Variants in AGMO observed in about 807,000 individuals in gnomAD.
AGMO encodes alkylglycerol monooxygenase.
In AGMO, 75 loss-of-function variants were observed where a neutral mutation model predicts 60.2. That is an observed-to-expected ratio of 1.25 (90% CI 1.03 to 1.51). The LOEUF is 1.51. Among genes scored for constraint, AGMO ranks in the 40% most tolerant of loss-of-function variants. The pLI, the probability that AGMO is intolerant of heterozygous loss-of-function variation, is 0.00. For missense variants in AGMO, 763 were observed against 525.5 expected (o/e 1.45, Z -4.42); for synonymous variants, 261 against 177.1 (o/e 1.47, Z -3.76).
intron 9 of AGMO, among the ~76,000 whole-genome samples, chr7:15,387,112 T>C (rs1235999480): frequency 6.6e-6 from 1 of 152,270 alleles, no homozygotes; most frequent in East Asian, 1.9e-4. Context: ...ATTTGTGAAG[T>C]TATGCCCTAC....
intron 2 of AGMO, among the ~76,000 whole-genome samples, chr7:15,551,296 T>C (rs1489132733): frequency 2.0e-5 from 3 of 151,718 alleles, no homozygotes; most frequent in African/African-American, 7.3e-5. Context: ...CTATTCAACA[T>C]AGTGTTGGAA....
the AGMO span, among the ~76,000 whole-genome samples, chr7:15,130,404 A>G: frequency 2.0e-5 from 3 of 151,602 alleles, no homozygotes; most frequent in Non-Finnish European, 2.9e-5. Flanking sequence ...AGAACAAGAC[A>G]TTTTCTTGAA....
intron 12 of AGMO, among the ~76,000 whole-genome samples, chr7:15,342,885 C>CA (rs1314526921): frequency 6.7e-6 from 1 of 149,652 alleles, no homozygotes; most frequent in Non-Finnish European, 1.5e-5. Flanking sequence ...TCAATATCCT[C>CA]ATTTGAGAAG....
intron 3 of AGMO, among the ~76,000 whole-genome samples, chr7:15,503,197 G>A (rs965291444): frequency 1.3e-5 from 2 of 151,958 alleles, no homozygotes; most frequent in African/African-American, 4.8e-5. Context: ...AGGTTAGAAG[G>A]TACACCTGTT....
At chr7:15,177,622 CCT>C in the AGMO span, among the ~76,000 whole-genome samples, 1 of 152,094 alleles carries the variant, frequency 6.6e-6, no homozygotes, top group African/African-American at 2.4e-5. Context: ...CTTTATTCAA[CCT>C]CTGTTTTTTA....
At chr7:15,450,307 C>T (rs987104353) in intron 3 of AGMO, among the ~76,000 whole-genome samples, 9 of 151,362 alleles carry the variant, frequency 5.9e-5, no homozygotes, top group South Asian at 2.1e-4. Flanking sequence ...GTAGTCCCAG[C>T]GACTCGGGAG....
At chr7:15,312,678 A>G (rs183972241) in intron 12 of AGMO, among the ~76,000 whole-genome samples, 37 of 152,022 alleles carry the variant, frequency 2.4e-4, no homozygotes, top group Middle Eastern at 3.4e-3. Context: ...ACACTCACTA[A>G]AAGAATTTTG....
chr7:15,454,623 T>G (rs1188289856), intron 3 of AGMO, among the ~76,000 whole-genome samples: 1 of 152,126 alleles, frequency 6.6e-6, no homozygotes, highest in Non-Finnish European at 1.5e-5. Context: ...TTAAAGATTA[T>G]ATGGAATATA....
At chr7:15,311,033 C>G (rs1450262038) in intron 12 of AGMO, among the ~76,000 whole-genome samples, 1 of 152,138 alleles carries the variant, frequency 6.6e-6, no homozygotes, top group African/African-American at 2.4e-5. Flanking sequence ...GTAGGATGAT[C>G]TCCACATCTC....
intron 10 of AGMO, among the ~76,000 whole-genome samples, chr7:15,376,869 T>C (rs975957432): frequency 2.5e-4 from 38 of 152,214 alleles, no homozygotes; most frequent in African/African-American, 8.9e-4. Flanking sequence ...TATATTTAAA[T>C]ATATGCTTTG....
At chr7:15,415,586 T>G (rs1271537866) in intron 5 of AGMO, among the ~76,000 whole-genome samples, 1 of 151,936 alleles carries the variant, frequency 6.6e-6, no homozygotes, top group Non-Finnish European at 1.5e-5. Flanking sequence ...ATCTTCAATA[T>G]CAAAGAATTA....
At chr7:15,307,262 A>G (rs1780641715) in intron 12 of AGMO, among the ~76,000 whole-genome samples, 1 of 152,034 alleles carries the variant, frequency 6.6e-6, no homozygotes, top group Non-Finnish European at 1.5e-5. Context: ...CTTGTTTGAC[A>G]TGACTTGTCT....
intron 3 of AGMO, among the ~76,000 whole-genome samples, chr7:15,492,633 T>C (rs1783098007): frequency 6.6e-6 from 1 of 151,740 alleles, no homozygotes; most frequent in African/African-American, 2.4e-5. Context: ...TTAATTAATT[T>C]TTTACTAGGT....
intron 10 of AGMO, among the ~76,000 whole-genome samples, chr7:15,369,240 A>T (rs1219461749): frequency 2.0e-5 from 3 of 152,078 alleles, no homozygotes; most frequent in African/African-American, 7.2e-5. Context: ...TACTTCTAAA[A>T]TTGCCTGTCC....
the AGMO span, among the ~76,000 whole-genome samples, chr7:15,178,083 T>C: frequency 2.6e-5 from 4 of 152,176 alleles, no homozygotes; most frequent in African/African-American, 4.8e-5. Flanking sequence ...TCAATCCTTA[T>C]TAGTAGTAGT....
chr7:15,518,239 G>A (rs763417795), intron 3 of AGMO, among the ~76,000 whole-genome samples: 3 of 152,158 alleles, frequency 2.0e-5, no homozygotes, highest in African/African-American at 2.4e-5. Context: ...AGCTGTGGGC[G>A]CAGCTTCAAC....
chr7:15,455,052 T>C (rs569327566), intron 3 of AGMO, among the ~76,000 whole-genome samples: 1 of 150,356 alleles, frequency 6.7e-6, no homozygotes, highest in South Asian at 2.1e-4. Context: ...TACTCTTTAA[T>C]GCTTGCATTT....
chr7:15,455,701 T>A (rs1781983509), intron 3 of AGMO, among the ~76,000 whole-genome samples: 1 of 152,150 alleles, frequency 6.6e-6, no homozygotes, highest in East Asian at 1.9e-4. Flanking sequence ...GGAATGATTT[T>A]CCTTCAGAAT....
the AGMO span, among the ~76,000 whole-genome samples, chr7:15,148,692 CG>C: frequency 6.6e-6 from 1 of 152,022 alleles, no homozygotes; most frequent in Non-Finnish European, 1.5e-5. Flanking sequence ...ATGGTGTATA[CG>C]TAGCATATTT....
Sources: gnomAD v4.1 joint callset for allele counts (sites outside exome capture counted in the v4.1 genomes callset) on GRCh38, gnomAD v4.1.1 for gene constraint, MANE v1.5 for transcripts, NCBI Gene and HGNC (gene_info 2026-07-23, HGNC 2026-07-21) for gene names.